The following EPYC variants were observed in gnomAD, a reference collection of about 807,000 sequenced individuals.
EPYC encodes the protein epiphycan, also known as dermatan sulfate proteoglycan 3.
Under a neutral mutation model 30.1 loss-of-function variants are expected in EPYC, and 28 were observed. The ratio of observed to expected loss-of-function variants is 0.93; its 90% confidence interval spans 0.69 to 1.28. The LOEUF (loss-of-function observed/expected upper bound fraction) is 1.28, where lower values mean the gene tolerates loss of function less well. EPYC is among the 50% of genes most tolerant of loss of function. EPYC has a pLI of 0.00. For missense variants in EPYC, 382 were observed against 383.5 expected, an observed-to-expected ratio of 1.00 and a Z score of 0.03; for synonymous variants, 144 against 141.4, an observed-to-expected ratio of 1.02 and a Z score of -0.13.
At chr12:90,991,116 C>T (rs1226022746) in intron 2 of EPYC, among the ~76,000 whole-genome samples, 1 of 152,086 alleles carries the variant, frequency 6.6e-6, no homozygotes, top group Non-Finnish European at 1.5e-5. Flanking sequence ...CTTTGTTCTT[C>T]TCAAACGTGC....
intron 2 of EPYC, among the ~76,000 whole-genome samples, chr12:90,984,961 C>T (rs940707695): frequency 1.1e-4 from 17 of 152,258 alleles, no homozygotes; most frequent in African/African-American, 4.1e-4. Context: ...ATATAGATGT[C>T]CTACGGGGTC....
intron 3 of EPYC, among the ~76,000 whole-genome samples, chr12:90,974,951 A>C (rs1165618073): frequency 6.6e-6 from 1 of 152,130 alleles, no homozygotes; most frequent in Non-Finnish European, 1.5e-5. Flanking sequence ...TGAGACTTTC[A>C]TGTTTATAAC....
intron 2 of EPYC, among the ~76,000 whole-genome samples, chr12:90,979,084 A>G (rs555103803): frequency 1.3e-5 from 2 of 152,278 alleles, no homozygotes; most frequent in African/African-American, 2.4e-5. Context: ...TAATAGAATC[A>G]TTGCTTTTAA....
At chr12:90,965,435 C>T (rs371464238) in intron 6 of EPYC, among the ~76,000 whole-genome samples, 3 of 152,140 alleles carry the variant, frequency 2.0e-5, no homozygotes, top group East Asian at 1.9e-4. Flanking sequence ...ACTGTCAGAC[C>T]GTTTTCCAAA....
chr12:91,001,874 G>T (rs1461779112), intron 2 of EPYC, among the ~76,000 whole-genome samples: 9 of 151,722 alleles, frequency 5.9e-5, no homozygotes, highest in Non-Finnish European at 1.3e-4. Context: ...AAATTTGAAG[G>T]AAATAACATG....
At chr12:91,002,848 CAG>C (rs1363982155) in intron 1 of EPYC, among the ~76,000 whole-genome samples, 3 of 106,964 alleles carry the variant, frequency 2.8e-5, no homozygotes, top group Non-Finnish European at 5.8e-5. Context: ...TAGAGAAAAA[CAG>C]AGCTTATTCA....
chr12:90,975,569 T>C (rs1335558366), intron 3 of EPYC, among the ~76,000 whole-genome samples: 1 of 152,128 alleles, frequency 6.6e-6, no homozygotes, highest in African/African-American at 2.4e-5. Flanking sequence ...GTCTTAGTTT[T>C]TGTTATGTTT....
chr12:90,976,857 C>T lies in EPYC; in HGVS notation c.340+1231G>A, dbSNP rs146014928. Among the ~76,000 whole-genome samples, 878 of 152,162 alleles carry T rather than the reference C, an allele frequency of 5.8e-3. 8 individuals are homozygous for T. Among genetic ancestry groups the T allele is most frequent in the African/African-American group, 0.02 (836 of 41,526 alleles). ...CATGAGATCTGATGGTTTTATAAGG[C>T]GTTTCCCCTTTCACTTGGCTCTCTT... On this transcript the variant is annotated intron_variant, in intron 3 of 6. Transcript: ENST00000261172.
chr12:90,969,651 G>GT lies in EPYC; in HGVS notation c.798+392dup, dbSNP rs761812397. On this transcript the variant is annotated intron_variant, in intron 6 of 6. Transcript: ENST00000261172. ...CCTAAAATCACAGGCTGAAACTGAT[G>GT]TTTTTTTTTTCCCCTGACAGCTAAA... 3.6e-3 allele frequency among the ~76,000 whole-genome samples: 531 copies of GT among 148,618 alleles called. 6 individuals are homozygous for GT. Among genetic ancestry groups the GT allele is most frequent in the African/African-American group, 0.011 (451 of 40,598 alleles).
At chr12:90,965,487 G>A (rs766161129) in intron 6 of EPYC, among the ~76,000 whole-genome samples, 3 of 152,128 alleles carry the variant, frequency 2.0e-5, no homozygotes, top group South Asian at 2.1e-4. Context: ...ATGTATGAGG[G>A]TTACAATTTT....
Position 90,964,104 on chromosome 12 carries a change from G to C in EPYC, c.*52C>G. The C allele has an allele frequency of 1.3e-6, 2 of 1,499,594 alleles. No individual in the cohort carries two copies. The highest frequency in any genetic ancestry group is 1.8e-6 in the Non-Finnish European group (2 of 1,092,690). The allele number at this position is 1,499,594 out of a possible 1,614,324, so 92.9% of individuals were successfully genotyped here. The stretch of plus-strand genomic sequence containing the variant: ...CTGAGTTTTGTTTTGGAAGAGAGCA[G>C]TAAGAATGGTTTATTTATAGTAGCC... On this transcript the variant is annotated 3_prime_UTR_variant, in exon 7 of 7. Transcript: ENST00000261172.
In EPYC at chr12:90,964,307, A is replaced by G. The variant is rs749296201; in HGVS notation, c.818T>C (p.Met273Thr). 1.2e-6 allele frequency: 2 copies of G among 1,607,930 alleles called. No homozygotes were observed. The highest frequency in any genetic ancestry group is 1.1e-5 in the South Asian group (1 of 90,380). ...LHLQNNNILE[M>T]HEDTFCNVKN... The stretch of plus-strand genomic sequence containing the variant: ...AACATTGCAGAACGTATCTTCGTGC[A>G]TTTCCAGAATGTTGTTATTCTAAAA... Residue 273 changes from methionine to threonine, a missense_variant, in exon 7 of 7, where the codon ATG becomes ACG. Met to Thr is a moderately conservative substitution (Grantham distance 81). Transcript: ENST00000261172.
chr12:91,003,926 A>G (rs1197495211), intron 1 of EPYC, among the ~76,000 whole-genome samples: 1 of 152,124 alleles, frequency 6.6e-6, no homozygotes, highest in African/African-American at 2.4e-5. Flanking sequence ...GAAGCAGTAC[A>G]AGGAGCTCCT....
chr12:90,964,393 C>G, intron 6 of EPYC, 67 bp from the exon 7 acceptor site: 17 of 1,098,518 alleles, frequency 1.5e-5, no homozygotes, highest in Non-Finnish European at 2.1e-5. Context: ...ATAGCGCAGT[C>G]CACTGTGCTT....
chr12:90,999,985 T>C (rs918433703), intron 2 of EPYC, among the ~76,000 whole-genome samples: 2 of 152,118 alleles, frequency 1.3e-5, no homozygotes, highest in African/African-American at 4.8e-5. Flanking sequence ...AGGTCTACCC[T>C]ATAAATATTT....
chr12:90,984,888 C>T lies in EPYC; in HGVS notation c.166-6626G>A, dbSNP rs1388967932. 3.3e-5 allele frequency among the ~76,000 whole-genome samples: 5 copies of T among 152,078 alleles called. No individual in the cohort carries two copies. The East Asian group carries it at 7.7e-4, about 24-fold the overall frequency. On this transcript the variant is annotated intron_variant, in intron 2 of 6. Transcript: ENST00000261172. Reference sequence around the variant, plus strand: ...CCAACCCAGGTACATGTTCCCCTCTCCCTCTCTGATTTAAAGCAGATCAAA... The same window carrying T: ...CCAACCCAGGTACATGTTCCCCTCTTCCTCTCTGATTTAAAGCAGATCAAA...
chr12:90,972,199 A>C (rs1198135286), intron 4 of EPYC, among the ~76,000 whole-genome samples, 197 bp from the exon 5 acceptor site: 1 of 152,202 alleles, frequency 6.6e-6, no homozygotes, highest in East Asian at 1.9e-4. Context: ...ACTTTAGCAA[A>C]GAAATTGGTA....
chr12:90,965,423 G>A (rs1875374672), intron 6 of EPYC, among the ~76,000 whole-genome samples: 1 of 152,018 alleles, frequency 6.6e-6, no homozygotes, highest in Non-Finnish European at 1.5e-5. Flanking sequence ...TTATTTTGAG[G>A]AACTGTCAGA....
chr12:91,003,990 C>A (rs1178971423), intron 1 of EPYC, among the ~76,000 whole-genome samples: 1 of 152,046 alleles, frequency 6.6e-6, no homozygotes, highest in African/African-American at 2.4e-5. Flanking sequence ...ACAGGATAAA[C>A]TAAGCCTCTA....
Sources: gnomAD v4.1 joint callset for allele counts (sites outside exome capture counted in the v4.1 genomes callset) on GRCh38, gnomAD v4.1.1 for gene constraint, MANE v1.5 for transcripts, NCBI Gene and HGNC (gene_info 2026-07-23, HGNC 2026-07-21) for gene names.